Variants in CUBN observed in about 807,000 individuals in gnomAD.
CUBN encodes the protein cubilin, also known as 460 kDa receptor.
Under a neutral mutation model 405.3 loss-of-function variants are expected in CUBN, and 282 were observed. The observed-to-expected ratio is 0.70, with a 90% CI of 0.63 to 0.77. The LOEUF is 0.77. CUBN is among the 30% of genes least tolerant of loss of function. The pLI is 0.00. For missense variants in CUBN, 4,514 were observed against 4,475.2 expected (o/e 1.01, Z -0.25); for synonymous variants, 1,684 against 1,617.0 (o/e 1.04, Z -0.99).
In CUBN at chr10:16,948,581, G is replaced by C. The variant is rs374013829; in HGVS notation, c.5106C>G (p.Pro1702=). Residue 1702 remains proline, a synonymous_variant, in exon 35 of 67, where the codon CCC becomes CCG. Coordinates refer to ENST00000377833, the MANE Select transcript of CUBN (RefSeq NM_001081.4). ...LRGRYCGTDM[P]HPITSFSSAL... ...CGCTGCTGAAGGATGTGATAGGATGGGGCATGTCGGTGCCACAGTAACGGC... is the reference window on the plus strand; with the variant it reads ...CGCTGCTGAAGGATGTGATAGGATGCGGCATGTCGGTGCCACAGTAACGGC... 4.3e-6 allele frequency: 7 copies of C among 1,613,806 alleles called. No individual in the cohort carries two copies. The highest frequency in any genetic ancestry group is 5.9e-6 in the Non-Finnish European group (7 of 1,179,938).
chr10:16,846,341 T>C (rs183095868), intron 60 of CUBN, among the ~76,000 whole-genome samples: 1 of 152,366 alleles, frequency 6.6e-6, no homozygotes, highest in Admixed American at 6.5e-5. Flanking sequence ...TATTTTATTA[T>C]GTGACTTTGT....
Position 16,851,311 on chromosome 10 carries a change from A to C in CUBN, c.9587T>G (p.Val3196Gly). The stretch of plus-strand genomic sequence containing the variant: ...AAATGTATTGAAGGTGAGGTGAATT[A>C]CTTTGTTTACAGGTGCAATTATGAT... ...VWIIIAPVNK[V>G]IHLTFNTFAL... Residue 3196 changes from valine to glycine, a missense_variant, in exon 60 of 67, where the codon GTA becomes GGA. By Grantham distance (109) the Val-to-Gly change is moderately radical. This residue lies in a region of CUBN where 1,186 missense variants were observed against 1,186.9 expected (regional missense o/e 1.00). Coordinates refer to ENST00000377833, the MANE Select transcript of CUBN (RefSeq NM_001081.4). The C allele has an allele frequency of 6.2e-7, 1 of 1,614,144 alleles. No individual in the cohort carries two copies.
At position 17,045,024 on chromosome 10, in the gene CUBN, T is replaced by G; in HGVS notation, c.3655A>C (p.Thr1219Pro). The stretch of plus-strand genomic sequence containing the variant: ...ATACATACAGCCAGGTAATCTAAAG[T>G]GCAGTTTGGATGATGCTCCAAGTGA... ...DFHLEHHPNCTLDYLAVYDGP... is the reference protein window; with the variant it reads ...DFHLEHHPNCPLDYLAVYDGP... The change falls in exon 25 of 67, where the codon ACT becomes CCT. Residue 1219 changes from threonine (T) to proline (P), a missense_variant. By Grantham distance (38) the Thr-to-Pro change is conservative (BLOSUM62 -1). Around this residue, in one of 5 missense-constraint regions of CUBN, gnomAD observed 242 missense variants for 309.0 expected, o/e 0.78. Transcript: ENST00000377833. The G allele has an allele frequency of 3.1e-6, 5 of 1,614,056 alleles. No homozygotes were observed. The highest frequency in any genetic ancestry group is 4.2e-6 in the Non-Finnish European group (5 of 1,179,950).
At chr10:17,093,386 T>A (rs1279722180) in intron 14 of CUBN, among the ~76,000 whole-genome samples, 1 of 152,158 alleles carries the variant, frequency 6.6e-6, no homozygotes, top group Non-Finnish European at 1.5e-5. Flanking sequence ...AAGGAGATAC[T>A]TTTATGAAAA....
At position 16,952,477 on chromosome 10, in the gene CUBN, A is replaced by G; in HGVS notation, c.4856-88T>C. On this transcript the variant is annotated intron_variant, in intron 32 of 66. Coordinates refer to ENST00000377833, the MANE Select transcript of CUBN (RefSeq NM_001081.4). ...CAATTATTTGATGAATAAAACCATC[A>G]ATGATTTTTCTTCTTATTTCTAAAA... 3 of 887,260 alleles carry G rather than the reference A, an allele frequency of 3.4e-6. 1 individual carries two copies. The highest frequency in any genetic ancestry group is 2.7e-5 in the South Asian group (2 of 74,822). The allele number at this position is 887,260 out of a possible 1,614,324, so 55.0% of individuals were successfully genotyped here. A position where few individuals can be genotyped will look rare whatever the true frequency, so the allele number is the denominator to read the frequency against.
chr10:16,937,992 A>C (rs1209731800), intron 38 of CUBN, among the ~76,000 whole-genome samples: 2 of 152,198 alleles, frequency 1.3e-5, no homozygotes, highest in Non-Finnish European at 2.9e-5. Flanking sequence ...AAACATTTGC[A>C]TCTTTGTTGC....
At chr10:16,971,948 T>C (rs1050458638) in intron 31 of CUBN, among the ~76,000 whole-genome samples, 4 of 151,968 alleles carry the variant, frequency 2.6e-5, no homozygotes, top group African/African-American at 9.7e-5. Context: ...CCTTGAGTCT[T>C]CCACCACCAC....
chr10:16,911,444 G>C (rs977794467), intron 48 of CUBN, among the ~76,000 whole-genome samples: 14 of 152,150 alleles, frequency 9.2e-5, no homozygotes, highest in African/African-American at 3.4e-4. Flanking sequence ...GATGTGGATA[G>C]ATAATGTCCA....
intron 27 of CUBN, among the ~76,000 whole-genome samples, chr10:17,021,017 A>G (rs757810926): frequency 1.3e-5 from 2 of 152,220 alleles, no homozygotes; most frequent in African/African-American, 4.8e-5. Flanking sequence ...AGCTTTGTCA[A>G]TTATGATGAC....
intron 28 of CUBN, among the ~76,000 whole-genome samples, chr10:17,009,642 A>G (rs1377816006): frequency 6.6e-6 from 1 of 152,166 alleles, no homozygotes; most frequent in Admixed American, 6.5e-5. Flanking sequence ...TCACTTAAGG[A>G]GCATTTAGAA....
In CUBN at chr10:16,890,356, C is replaced by T; in HGVS notation, c.8755+15G>A. 5 of 1,612,374 alleles carry T rather than the reference C, an allele frequency of 3.1e-6. No homozygotes were observed. Among genetic ancestry groups the T allele is most frequent in the Non-Finnish European group, 4.2e-6 (5 of 1,179,978 alleles). The stretch of plus-strand genomic sequence containing the variant: ...CCCGCAAAGACCTCTGGGTTTGGTT[C>T]TTAGGGCTACTTACGGCTAACAAAG... On this transcript the variant is annotated intron_variant, in intron 55 of 66. Transcript: ENST00000377833.
rs1200801765 is a variant in CUBN, at chr10:17,074,428, CACA to C, written c.2302-2460_2302-2458del. 3.3e-5 allele frequency among the ~76,000 whole-genome samples: 5 copies of C among 152,302 alleles called. No homozygotes were observed. In the East Asian group the frequency reaches 5.8e-4, roughly 18 times the overall value. Reference sequence around the variant, plus strand: ...GGCAGCCTGAAATGTGAGCGTCACACACAACAAGAATTCTCCTGAACCTGTGTG... The same window carrying C: ...GGCAGCCTGAAATGTGAGCGTCACACACAAGAATTCTCCTGAACCTGTGTG... On this transcript the variant is annotated intron_variant, in intron 17 of 66. Transcript: ENST00000377833.
intron 51 of CUBN, among the ~76,000 whole-genome samples, chr10:16,903,163 T>C (rs572579427): frequency 2.0e-5 from 3 of 152,330 alleles, no homozygotes; most frequent in South Asian, 4.1e-4. Context: ...ATATAATTCA[T>C]CACATTAACT....
At chr10:17,040,742 A>G (rs1005124227) in intron 27 of CUBN, among the ~76,000 whole-genome samples, 1 of 151,942 alleles carries the variant, frequency 6.6e-6, no homozygotes, top group Non-Finnish European at 1.5e-5. Flanking sequence ...AAACATAAAA[A>G]CAACCAACAA....
chr10:16,962,726 C>T (rs1198216737), intron 31 of CUBN, among the ~76,000 whole-genome samples: 2 of 152,066 alleles, frequency 1.3e-5, no homozygotes, highest in South Asian at 2.1e-4. Context: ...TGAGATACTC[C>T]GTGGAGAGGC....
At position 16,925,418 on chromosome 10, in the gene CUBN, T is replaced by C. The variant is rs144360241; in HGVS notation, c.6469A>G (p.Asn2157Asp). The C allele has an allele frequency of 5.2e-3, 8,370 of 1,613,808 alleles. 31 individuals carry two copies. The highest frequency in any genetic ancestry group is 0.02 in the Middle Eastern group (123 of 6,058). ...CNQGDYLVLR[N>D]GPDICSPPLG... is the part of the protein sequence containing the mutation. ...GGTGGAGAACAGATATCAGGACCAT[T>C]TCTTAGCTGGAAAGACAAATTAAAA... Residue 2157 changes from asparagine to aspartate, a missense_variant, in exon 43 of 67, where the codon AAT becomes GAT. Physicochemically the swap from Asn to Asp is conservative, Grantham distance 23. Coordinates refer to ENST00000377833, the MANE Select transcript of CUBN (RefSeq NM_001081.4).
chr10:17,051,819 G>C (rs974052201), intron 22 of CUBN, among the ~76,000 whole-genome samples: 1 of 151,538 alleles, frequency 6.6e-6, no homozygotes, highest in Non-Finnish European at 1.5e-5. Flanking sequence ...ACAACAAATA[G>C]GTTAACACAC....
rs11814421 is a variant in CUBN at position 16,948,938 on chromosome 10, C to T, written c.5081-332G>A. Among the ~76,000 whole-genome samples, 18,775 of 152,124 alleles carry T rather than the reference C, an allele frequency of 0.12. 2,545 individuals are homozygous for T. Among genetic ancestry groups the T allele is most frequent in the African/African-American group, 0.32 (13,176 of 41,432 alleles). ...CCCATACAAATAAATGCACTAATATCCACTATTTTGTAGCACAGAAAAGTG... is the reference window on the plus strand; with the variant it reads ...CCCATACAAATAAATGCACTAATATTCACTATTTTGTAGCACAGAAAAGTG... On this transcript the variant is annotated intron_variant, in intron 34 of 66. Coordinates refer to ENST00000377833, the MANE Select transcript of CUBN (RefSeq NM_001081.4).
intron 60 of CUBN, among the ~76,000 whole-genome samples, chr10:16,842,117 T>C (rs1839371973): frequency 6.6e-6 from 1 of 151,428 alleles, no homozygotes; most frequent in African/African-American, 2.4e-5. Flanking sequence ...CAATCATAGC[T>C]CACTGCAACC....
Sources: gnomAD v4.1 joint callset for allele counts (sites outside exome capture counted in the v4.1 genomes callset) on GRCh38, gnomAD v4.1.1 for gene constraint, gnomAD v4.1.1 regional missense constraint, MANE v1.5 for transcripts, NCBI Gene and HGNC (gene_info 2026-07-23, HGNC 2026-07-21) for gene names.